The following ATRX variants were observed in gnomAD, a reference collection of about 807,000 sequenced individuals.
ATRX encodes the protein chromatin remodeler ATRX.
ATRX carries 12 observed loss-of-function variants against 172.6 expected under a neutral mutation model. The ratio of observed to expected loss-of-function variants is 0.07; its 90% CI spans 0.04 to 0.11. The LOEUF (loss-of-function observed/expected upper bound fraction) is 0.11, where lower values mean the gene tolerates loss of function less well. ATRX is among the 10% of genes least tolerant of loss of function. ATRX has a pLI of 1.00. For synonymous variants in ATRX, 674 were observed against 594.7 expected, an observed-to-expected ratio of 1.13 and a Z score of -1.94; for missense variants, 1,368 against 1,767.4, an observed-to-expected ratio of 0.77 and a Z score of 4.05.
Position 77,513,982 on chromosome X carries a change from A to G in ATRX, c.7201-5353T>C, listed in dbSNP as rs782325640. On this transcript the variant is annotated intron_variant, in intron 34 of 34. Coordinates refer to ENST00000373344, the MANE Select transcript of ATRX (RefSeq NM_000489.6). The stretch of plus-strand genomic sequence containing the variant: ...CCAACAAAAGTCAAGCAAAGAGGCA[A>G]ATCAGGCATGCAATCCCATTCACAA... Among the ~76,000 whole-genome samples, 9 of 111,088 alleles carry G rather than the reference A, an allele frequency of 8.1e-5. No homozygotes were observed. In the South Asian group the frequency reaches 3.5e-3, roughly 43 times the overall value.
Position 77,601,421 on chromosome X carries a change from T to TG in ATRX, c.5567-858dup, listed in dbSNP as rs1311385113. On this transcript the variant is annotated intron_variant, in intron 22 of 34. Coordinates refer to ENST00000373344, the MANE Select transcript of ATRX (RefSeq NM_000489.6). ...TGAGCCCAGGAGTTTGAGGTTACAA[T>TG]GAACTATGATTGCACCACAGCACTC... Among the ~76,000 whole-genome samples, 3 of 105,237 alleles carry TG rather than the reference T, an allele frequency of 2.9e-5. No individual in the cohort carries two copies. The Admixed American group carries it at 3.1e-4, about 11-fold the overall frequency. The allele number at this position is 105,237 out of a possible 115,157, so 91.4% of individuals were successfully genotyped here. A position where few individuals can be genotyped will look rare whatever the true frequency, so the allele number is the denominator to read the frequency against.
chrX:77,619,740 C>G (rs1177529622), intron 20 of ATRX, among the ~76,000 whole-genome samples: 1 of 110,907 alleles, frequency 9.0e-6, no homozygotes, highest in Non-Finnish European at 1.9e-5. Context: ...CATAAATACA[C>G]TAAAGGAATG....
chrX:77,527,693 G>T (rs1329179899), intron 30 of ATRX, among the ~76,000 whole-genome samples: 1 of 111,691 alleles, frequency 9.0e-6, no homozygotes, highest in African/African-American at 3.3e-5. Context: ...AAGCAGCATG[G>T]CTCGGCAGGC....
At chrX:77,756,752 T>A (rs1440795513) in intron 1 of ATRX, among the ~76,000 whole-genome samples, 2 of 110,149 alleles carry the variant, frequency 1.8e-5, no homozygotes, top group African/African-American at 6.6e-5. Context: ...TTGGTCTCAC[T>A]GGGAGCTGCA....
chrX:77,620,286 G>T, intron 20 of ATRX, 109 bp downstream of exon 20: 1 of 844,218 alleles, frequency 1.2e-6, no homozygotes, highest in Non-Finnish European at 1.7e-6. Flanking sequence ...TGTAGATCAT[G>T]GTCTAGGACT....
rs1557060383 is a variant in ATRX at position 77,558,831 on chromosome X, G to T, written c.6342C>A (p.Ile2114=). ...CTAGAGATCCTGCTTTAGTAGAAATGATAAATAATCGTCCTCTGAAAATGA... is the reference window on the plus strand; with the variant it reads ...CTAGAGATCCTGCTTTAGTAGAAATTATAAATAATCGTCCTCTGAAAATGA... ...DETNVRGRLF[I]ISTKAGSLGI... The change falls in exon 29 of 35, where the codon ATC becomes ATA. Residue 2114 remains isoleucine (I), a synonymous_variant. Transcript: ENST00000373344. 8.4e-7 allele frequency: 1 copy of T among 1,195,406 alleles called. No homozygotes were observed. Among genetic ancestry groups the T allele is most frequent in the Non-Finnish European group, 1.1e-6 (1 of 881,347 alleles).
At chrX:77,730,097 G>A (rs2074235140) in intron 1 of ATRX, among the ~76,000 whole-genome samples, 1 of 111,969 alleles carries the variant, frequency 8.9e-6, no homozygotes, top group Non-Finnish European at 1.9e-5. Flanking sequence ...TCACTGAAGT[G>A]TTGAAAACCT....
At chrX:77,568,167 A>G (rs888914151) in intron 28 of ATRX, among the ~76,000 whole-genome samples, 20 of 110,540 alleles carry the variant, frequency 1.8e-4, no homozygotes, top group Admixed American at 5.8e-4. Context: ...AGGAAAAAAA[A>G]AAAAAGAAAA....
chrX:77,543,614 A>T (rs1466291672), intron 30 of ATRX, among the ~76,000 whole-genome samples: 1 of 112,058 alleles, frequency 8.9e-6, no homozygotes, highest in African/African-American at 3.2e-5. Flanking sequence ...TACACCATGG[A>T]ATACTATGCG....
At chrX:77,591,167 C>T (rs1022032743) in intron 26 of ATRX, among the ~76,000 whole-genome samples, 1 of 111,769 alleles carries the variant, frequency 8.9e-6, no homozygotes, top group Non-Finnish European at 1.9e-5. Flanking sequence ...CTGTTTTAGG[C>T]ATTACGGGAG....
intron 30 of ATRX, among the ~76,000 whole-genome samples, chrX:77,550,184 T>C (rs1557055237): frequency 9.0e-6 from 1 of 111,449 alleles, no homozygotes; most frequent in African/African-American, 3.3e-5. Flanking sequence ...TGCTTTTCAA[T>C]GATATATGGA....
intron 2 of ATRX, among the ~76,000 whole-genome samples, chrX:77,709,010 C>A (rs782786352): frequency 8.9e-6 from 1 of 112,104 alleles, no homozygotes; most frequent in East Asian, 2.8e-4. Flanking sequence ...AGTCTGAGAC[C>A]AGCATGGGCA....
intron 12 of ATRX, among the ~76,000 whole-genome samples, chrX:77,662,954 C>T (rs1355769199): frequency 7.1e-5 from 8 of 112,238 alleles, no homozygotes; most frequent in Non-Finnish European, 1.5e-4. Flanking sequence ...CTTGGCCTCC[C>T]AAAGTGCTGG....
chrX:77,663,669 C>A, intron 11 of ATRX, 111 bp from the exon 12 acceptor site: 1 of 617,774 alleles, frequency 1.6e-6, no homozygotes, highest in Non-Finnish European at 2.5e-6. Context: ...CAGAGTTAGA[C>A]ACATACTTTG....
At position 77,660,355 on chromosome X, in the gene ATRX, G is replaced by A. The variant is rs782495889; in HGVS notation, c.4120+3027C>T. On this transcript the variant is annotated intron_variant, in intron 12 of 34. Transcript: ENST00000373344. Reference sequence around the variant, plus strand: ...CCGAGGCGGGTGGATCACGAGGTCAGGAGATCGAGACCATCCTGGCTAACA... The same window carrying A: ...CCGAGGCGGGTGGATCACGAGGTCAAGAGATCGAGACCATCCTGGCTAACA... Among the ~76,000 whole-genome samples the A allele has an allele frequency of 2.7e-5, 3 of 110,693 alleles. No individual in the cohort carries two copies. The East Asian group carries it at 8.5e-4, about 31-fold the overall frequency.
At chrX:77,661,325 A>G (rs1398188913) in intron 12 of ATRX, among the ~76,000 whole-genome samples, 1 of 111,642 alleles carries the variant, frequency 9.0e-6, no homozygotes, top group Non-Finnish European at 1.9e-5. Context: ...GTGGTTTGTG[A>G]GTTATATCTC....
chrX:77,592,550 C>T (rs951060402), intron 26 of ATRX, among the ~76,000 whole-genome samples: 56 of 111,185 alleles, frequency 5.0e-4, no homozygotes, highest in African/African-American at 1.8e-3. Flanking sequence ...TGGTGTCTCA[C>T]GCCTGTAATC....
At chrX:77,667,243 C>A (rs1049805786) in intron 10 of ATRX, among the ~76,000 whole-genome samples, 4 of 106,248 alleles carry the variant, frequency 3.8e-5, no homozygotes, top group African/African-American at 1.4e-4. Context: ...TCTCATGGAC[C>A]AGAAAAACTT....
In ATRX at chrX:77,520,813, T is replaced by C; in HGVS notation, c.7175A>G (p.Asn2392Ser). Residue 2392 changes from asparagine to serine, a missense_variant, in exon 34 of 35, where the codon AAT (asparagine) becomes AGT (serine). Physicochemically the swap from Asn to Ser is conservative, Grantham distance 46. Coordinates refer to ENST00000373344, the MANE Select transcript of ATRX (RefSeq NM_000489.6). ...LDVKRREAIY[N>S]DVLTKQQMLI... is the part of the protein sequence containing the mutation. Reference sequence around the variant, plus strand: ...CATCTGTTGTTTTGTCAATACATCATTGTAGATTGCTTCTCTTCGTTTAAC... The same window carrying C: ...CATCTGTTGTTTTGTCAATACATCACTGTAGATTGCTTCTCTTCGTTTAAC... 1 of 1,210,199 alleles carries C rather than the reference T, an allele frequency of 8.3e-7. No homozygotes were observed. The highest frequency in any genetic ancestry group is 1.1e-6 in the Non-Finnish European group (1 of 894,282).
Sources: allele counts gnomAD v4.1 joint callset (sites outside exome capture counted in the v4.1 genomes callset), GRCh38; gene constraint gnomAD v4.1.1; transcripts MANE v1.5; gene names NCBI Gene and HGNC (gene_info 2026-07-23, HGNC 2026-07-21).